NCAM1: variants seen among roughly 807,000 people sequenced by gnomAD.
NCAM1 encodes neural cell adhesion molecule 1.
A neutral mutation model predicts 109.8 loss-of-function variants in NCAM1; 14 were observed. The ratio of observed to expected loss-of-function variants is 0.13; its 90% CI spans 0.08 to 0.20. NCAM1 has a LOEUF of 0.20. NCAM1 is among the 10% of genes least tolerant of loss of function. The pLI, the probability that NCAM1 is intolerant of heterozygous loss-of-function variation, is 1.00. For missense variants in NCAM1, 774 were observed against 1,109.9 expected (o/e 0.70, Z 4.30); for synonymous variants, 418 against 442.9 (o/e 0.94, Z 0.70).
intron 1 of NCAM1, among the ~76,000 whole-genome samples, chr11:113,051,686 T>C (rs1209784030): frequency 2.6e-5 from 4 of 152,216 alleles, no homozygotes; most frequent in Non-Finnish European, 5.9e-5. Context: ...TGTCATCATA[T>C]ATTTTCTACT....
chr11:113,011,974 T>TCCTG (rs781852134), intron 1 of NCAM1, among the ~76,000 whole-genome samples: 8 of 110,382 alleles, frequency 7.2e-5, no homozygotes, highest in Non-Finnish European at 2.0e-5. Context: ...TTTCCTTCCT[T>TCCTG]CCTTCCTTCC....
intron 1 of NCAM1, among the ~76,000 whole-genome samples, chr11:113,199,290 G>A (rs1943959056): frequency 6.6e-6 from 1 of 152,140 alleles, no homozygotes; most frequent in South Asian, 2.1e-4. Context: ...TTTGTATTGG[G>A]AACAATGAAA....
chr11:113,207,146 C>A, intron 5 of NCAM1, 115 bp from the exon 6 acceptor site: 1 of 716,436 alleles, frequency 1.4e-6, no homozygotes, highest in Non-Finnish European at 2.4e-6. Context: ...TGTAGCTGCA[C>A]ACGACGTTTG....
At chr11:113,093,860 A>G (rs1240297286) in intron 1 of NCAM1, among the ~76,000 whole-genome samples, 1 of 152,160 alleles carries the variant, frequency 6.6e-6, no homozygotes, top group Non-Finnish European at 1.5e-5. Flanking sequence ...GTGGGCCATG[A>G]AGTCATTACA....
rs782073515 is a variant in NCAM1, at chr11:113,277,702, G to A, written c.*2315G>A. 1.8e-5 allele frequency: 6 copies of A among 334,444 alleles called. No homozygotes were observed. Among genetic ancestry groups the A allele is most frequent in the Admixed American group, 9.7e-5 (2 of 20,600 alleles). The allele number at this position is 334,444 out of a possible 1,614,324, so 20.7% of individuals were successfully genotyped here. A position where few individuals can be genotyped will look rare whatever the true frequency, so the allele number is the denominator to read the frequency against. ...GGTTCTGATGGTTAGGAAGAAACAG[G>A]TCAGCCCTCAGATCACCTGGCCCGG... On this transcript the variant is annotated 3_prime_UTR_variant, in exon 20 of 20. Coordinates refer to ENST00000316851, the MANE Select transcript of NCAM1 (RefSeq NM_181351.5).
chr11:112,985,588 T>G (rs1951277781), intron 1 of NCAM1, among the ~76,000 whole-genome samples: 1 of 151,708 alleles, frequency 6.6e-6, no homozygotes, highest in African/African-American at 2.4e-5. Context: ...ATTTCTTTCA[T>G]CAATGTTGTG....
intron 17 of NCAM1, among the ~76,000 whole-genome samples, chr11:113,261,366 A>T (rs1945992815): frequency 6.6e-6 from 1 of 152,082 alleles, no homozygotes; most frequent in South Asian, 2.1e-4. Flanking sequence ...TGTGGTTCCC[A>T]GTGGTTGTTT....
At chr11:113,111,674 C>T (rs782655465) in intron 1 of NCAM1, among the ~76,000 whole-genome samples, 2 of 152,136 alleles carry the variant, frequency 1.3e-5, no homozygotes, top group East Asian at 1.9e-4. Context: ...CCTCAGTAAA[C>T]GTGACTGAAA....
intron 1 of NCAM1, among the ~76,000 whole-genome samples, chr11:113,169,531 A>C (rs1331030820): frequency 1.3e-5 from 2 of 151,620 alleles, no homozygotes; most frequent in African/African-American, 4.9e-5. Flanking sequence ...TAGGCTCTTG[A>C]GTGTAAGATG....
chr11:113,124,544 C>G (rs1407344252), intron 1 of NCAM1, among the ~76,000 whole-genome samples: 1 of 152,202 alleles, frequency 6.6e-6, no homozygotes, highest in Non-Finnish European at 1.5e-5. Flanking sequence ...TTTACAGTCA[C>G]AAGATATTTC....
intron 1 of NCAM1, among the ~76,000 whole-genome samples, chr11:112,992,072 A>T (rs149931245): frequency 7.1e-4 from 108 of 152,282 alleles, no homozygotes; most frequent in African/African-American, 2.5e-3. Context: ...CCATGGAGAA[A>T]ACGGGAGAGA....
rs565312756 is a variant in NCAM1 at position 113,256,121 on chromosome 11, G to T, written c.1953+120G>T. On this transcript the variant is annotated intron_variant, in intron 16 of 19. Coordinates refer to ENST00000316851, the MANE Select transcript of NCAM1 (RefSeq NM_181351.5). ...GGGATGGGGTCTTATTCTGTGTCTGGCAGGTGGCCCATGGGCCCTGGCCAT... is the reference window on the plus strand; with the variant it reads ...GGGATGGGGTCTTATTCTGTGTCTGTCAGGTGGCCCATGGGCCCTGGCCAT... 3.4e-5 allele frequency: 45 copies of T among 1,342,072 alleles called. No individual in the cohort carries two copies. In the African/African-American group the frequency reaches 6.4e-4, roughly 19 times the overall value. The allele number at this position is 1,342,072 out of a possible 1,614,324, so 83.1% of individuals were successfully genotyped here.
At chr11:113,160,595 G>A (rs1360040816) in intron 1 of NCAM1, among the ~76,000 whole-genome samples, 1 of 152,168 alleles carries the variant, frequency 6.6e-6, no homozygotes, top group African/African-American at 2.4e-5. Flanking sequence ...TTTGTCAACA[G>A]CAGCCAATAC....
At chr11:113,195,143 AT>A (rs1343960542) in intron 1 of NCAM1, among the ~76,000 whole-genome samples, 1 of 152,234 alleles carries the variant, frequency 6.6e-6, no homozygotes, top group Non-Finnish European at 1.5e-5. Flanking sequence ...TCTCTTTAAA[AT>A]GGCATCTAGC....
At chr11:113,232,861 C>T (rs1555117569) in intron 12 of NCAM1, 47 bp downstream of exon 12, 1 of 1,496,790 alleles carries the variant, frequency 6.7e-7, no homozygotes, top group South Asian at 1.1e-5. Context: ...AACCCCCCAC[C>T]TAACCCTGCC....
intron 1 of NCAM1, among the ~76,000 whole-genome samples, chr11:113,173,131 C>A (rs1943042878): frequency 6.6e-6 from 1 of 152,122 alleles, no homozygotes; most frequent in African/African-American, 2.4e-5. Context: ...TGCCGTGGGG[C>A]TGAGAAAGAA....
At chr11:113,020,139 C>G (rs963292316) in intron 1 of NCAM1, among the ~76,000 whole-genome samples, 2 of 152,202 alleles carry the variant, frequency 1.3e-5, no homozygotes, top group Admixed American at 6.5e-5. Context: ...GTTCGCTGGT[C>G]CCTCCCTTGT....
chr11:113,059,583 G>T (rs539836713), intron 1 of NCAM1, among the ~76,000 whole-genome samples: 1 of 152,204 alleles, frequency 6.6e-6, no homozygotes, highest in Admixed American at 6.5e-5. Context: ...CACAGCCTGG[G>T]GGTCGCAGGT....
chr11:113,160,356 C>T (rs1470644205), intron 1 of NCAM1, among the ~76,000 whole-genome samples: 1 of 152,168 alleles, frequency 6.6e-6, no homozygotes, highest in East Asian at 1.9e-4. Context: ...TACCAACTGC[C>T]CCAGTTTCCA....
Sources: allele counts gnomAD v4.1 joint callset (sites outside exome capture counted in the v4.1 genomes callset), GRCh38; gene constraint gnomAD v4.1.1; transcripts MANE v1.5; gene names NCBI Gene and HGNC (gene_info 2026-07-23, HGNC 2026-07-21).